ZBTB43: variants seen among roughly 807,000 people sequenced by gnomAD.
The protein encoded by ZBTB43 is zinc finger and BTB domain-containing protein 43.
A neutral mutation model predicts 31.1 loss-of-function variants in ZBTB43; 6 were observed. That is an observed-to-expected ratio of 0.19 (90% CI 0.11 to 0.38). The LOEUF is 0.38. ZBTB43 is among the 10% of genes least tolerant of loss of function. The probability of loss-of-function intolerance (pLI) is 1.00; values close to 1 mark genes in which losing one functional copy is unlikely to be tolerated. For synonymous variants in ZBTB43, 212 were observed against 221.7 expected (o/e 0.96, Z 0.39); for missense variants, 379 against 602.1 (o/e 0.63, Z 3.88).
chr9:126,829,256 T>C (rs536478168), intron 2 of ZBTB43, among the ~76,000 whole-genome samples: 1 of 152,322 alleles, frequency 6.6e-6, no homozygotes, highest in East Asian at 1.9e-4. Flanking sequence ...AGTTCAAGGC[T>C]ATGTCAAATG....
chr9:126,830,575 G>A (rs2032743605), intron 2 of ZBTB43, among the ~76,000 whole-genome samples: 1 of 152,194 alleles, frequency 6.6e-6, no homozygotes, highest in South Asian at 2.1e-4. Context: ...CTGAGCCCAG[G>A]AGTTTGAGAC....
At chr9:126,826,927 A>C (rs1046886056) in intron 2 of ZBTB43, among the ~76,000 whole-genome samples, 5 of 152,144 alleles carry the variant, frequency 3.3e-5, no homozygotes, top group African/African-American at 1.2e-4. Context: ...GACAGTTTCT[A>C]ATTCTTTTTC....
At chr9:126,832,121 C>T (rs775354042) in intron 2 of ZBTB43, 42 of 184,576 alleles carry the variant, frequency 2.3e-4, no homozygotes, top group Non-Finnish European at 4.3e-4. Flanking sequence ...AGCAAGACCC[C>T]ATCTCGTTTA....
intron 2 of ZBTB43, among the ~76,000 whole-genome samples, chr9:126,824,402 A>G (rs1257221634): frequency 6.6e-6 from 1 of 152,142 alleles, no homozygotes. Flanking sequence ...TTCATTGTCT[A>G]GGGTTCTTTT....
At chr9:126,805,586 T>A (rs2032107658) in intron 1 of ZBTB43, among the ~76,000 whole-genome samples, 4 of 152,218 alleles carry the variant, frequency 2.6e-5, no homozygotes. Flanking sequence ...ACATTCAGCA[T>A]CCCCTGTTGC....
chr9:126,805,698 C>G (rs187551202), intron 1 of ZBTB43, among the ~76,000 whole-genome samples: 2 of 152,222 alleles, frequency 1.3e-5, no homozygotes, highest in African/African-American at 2.4e-5. Flanking sequence ...TATCTGGATC[C>G]TGTTTTATAT....
intron 2 of ZBTB43, among the ~76,000 whole-genome samples, chr9:126,821,268 T>G (rs2032503270): frequency 6.6e-6 from 1 of 151,154 alleles, no homozygotes; most frequent in East Asian, 2.0e-4. Flanking sequence ...CCCAGCTACT[T>G]AGGAGGCTGA....
intron 2 of ZBTB43, among the ~76,000 whole-genome samples, chr9:126,818,508 G>T (rs1267905188): frequency 6.6e-6 from 1 of 152,048 alleles, no homozygotes; most frequent in Non-Finnish European, 1.5e-5. Context: ...GCCTCCCAAA[G>T]TGCTAGGGTT....
At chr9:126,812,060 C>A (rs1306593734) in intron 2 of ZBTB43, among the ~76,000 whole-genome samples, 1 of 152,042 alleles carries the variant, frequency 6.6e-6, no homozygotes, top group Non-Finnish European at 1.5e-5. Context: ...CTCAAAGAAA[C>A]CCAGTTAGCA....
intron 2 of ZBTB43, among the ~76,000 whole-genome samples, chr9:126,818,822 T>C (rs2032449617): frequency 6.6e-6 from 1 of 152,202 alleles, no homozygotes; most frequent in Non-Finnish European, 1.5e-5. Context: ...TCTATAGTTT[T>C]TGTATAGTGT....
At chr9:126,816,277 C>T (rs762573215) in intron 2 of ZBTB43, among the ~76,000 whole-genome samples, 3 of 152,144 alleles carry the variant, frequency 2.0e-5, no homozygotes, top group Non-Finnish European at 2.9e-5. Flanking sequence ...TCCACATTAT[C>T]GATTCCATTT....
intron 2 of ZBTB43, among the ~76,000 whole-genome samples, chr9:126,827,904 T>G (rs1222094159): frequency 6.6e-6 from 1 of 151,964 alleles, no homozygotes; most frequent in East Asian, 1.9e-4. Flanking sequence ...TCTCAGCTAC[T>G]TGGGAGGCTG....
chr9:126,816,453 T>C (rs56020663), intron 2 of ZBTB43, among the ~76,000 whole-genome samples: 5,065 of 152,342 alleles, frequency 0.033, 142 homozygotes, highest in Non-Finnish European at 0.053. Context: ...ATGAAGTTTG[T>C]GAAAAACATT....
intron 1 of ZBTB43, among the ~76,000 whole-genome samples, chr9:126,806,994 T>C (rs1354414414): frequency 6.6e-6 from 1 of 152,212 alleles, no homozygotes; most frequent in Non-Finnish European, 1.5e-5. Context: ...ATAGCCCTTT[T>C]ATTATAATGC....
chr9:126,828,083 A>C (rs544674586), intron 2 of ZBTB43, among the ~76,000 whole-genome samples: 1 of 152,300 alleles, frequency 6.6e-6, no homozygotes, highest in East Asian at 1.9e-4. Flanking sequence ...TTTGACAAAT[A>C]GTGTTAGAAA....
At chr9:126,830,502 G>A (rs562086953) in intron 2 of ZBTB43, among the ~76,000 whole-genome samples, 22 of 152,238 alleles carry the variant, frequency 1.4e-4, no homozygotes, top group South Asian at 8.3e-4. Context: ...AAAATTAGCC[G>A]GATGTGGTAG....
chr9:126,808,996 A>T (rs1032545568), intron 2 of ZBTB43, 81 bp downstream of exon 2: 11 of 152,192 alleles, frequency 7.2e-5, no homozygotes, highest in Non-Finnish European at 1.3e-4. Context: ...ATAATAATGT[A>T]TTTTGTTAAG....
At chr9:126,822,032 T>C (rs988307942) in intron 2 of ZBTB43, among the ~76,000 whole-genome samples, 1 of 152,112 alleles carries the variant, frequency 6.6e-6, no homozygotes, top group Non-Finnish European at 1.5e-5. Context: ...AATTTTTGTA[T>C]TTTTAGTAGA....
intron 2 of ZBTB43, among the ~76,000 whole-genome samples, chr9:126,814,679 G>C (rs1165430139): frequency 1.3e-5 from 2 of 152,074 alleles, no homozygotes; most frequent in South Asian, 4.1e-4. Flanking sequence ...CGTAGTCCCA[G>C]CTACTTGGGA....
Sources: gnomAD v4.1 joint callset for allele counts (sites outside exome capture counted in the v4.1 genomes callset) on GRCh38, gnomAD v4.1.1 for gene constraint, MANE v1.5 for transcripts, NCBI Gene and HGNC (gene_info 2026-07-23, HGNC 2026-07-21) for gene names.